Variants in LAMA4 observed in about 807,000 individuals in gnomAD.
The protein encoded by LAMA4 is laminin subunit alpha-4.
Under a neutral mutation model 207.1 loss-of-function variants are expected in LAMA4, and 127 were observed. The ratio of observed to expected loss-of-function variants is 0.61; its 90% CI spans 0.53 to 0.71. The LOEUF (loss-of-function observed/expected upper bound fraction) is 0.71. Among genes scored for constraint, LAMA4 ranks in the 30% least tolerant of loss-of-function variants. The pLI, the probability that LAMA4 is intolerant of heterozygous loss-of-function variation, is 0.00. For missense variants in LAMA4, 2,093 were observed against 2,246.5 expected (o/e 0.93, Z 1.38); for synonymous variants, 761 against 816.0 (o/e 0.93, Z 1.15).
At chr6:112,124,331 C>T (rs1189371557) in intron 31 of LAMA4, among the ~76,000 whole-genome samples, 1 of 152,190 alleles carries the variant, frequency 6.6e-6, no homozygotes, top group Non-Finnish European at 1.5e-5. Flanking sequence ...ATTTACCAGC[C>T]TTGCCTTACT....
intron 3 of LAMA4, among the ~76,000 whole-genome samples, chr6:112,208,762 C>A (rs1428127142): frequency 6.6e-6 from 1 of 152,146 alleles, no homozygotes; most frequent in African/African-American, 2.4e-5. Flanking sequence ...AACTAGCTAT[C>A]CCGGTTGAAT....
intron 36 of LAMA4, among the ~76,000 whole-genome samples, chr6:112,115,630 G>A (rs1184357229): frequency 6.6e-6 from 1 of 152,040 alleles, no homozygotes; most frequent in Admixed American, 6.6e-5. Flanking sequence ...TGTTATTAGT[G>A]ATTTTTTTGA....
chr6:112,230,042 T>C (rs1363381550), intron 2 of LAMA4, among the ~76,000 whole-genome samples: 2 of 152,212 alleles, frequency 1.3e-5, no homozygotes. Context: ...TACTTCTATT[T>C]CCCCAGGAAC....
chr6:112,240,291 G>A (rs1786315513), intron 2 of LAMA4, among the ~76,000 whole-genome samples: 2 of 151,916 alleles, frequency 1.3e-5, no homozygotes, highest in African/African-American at 2.4e-5. Flanking sequence ...AATAGTAGGT[G>A]TATATATTTA....
chr6:112,184,552 T>C (rs541032790), intron 9 of LAMA4, among the ~76,000 whole-genome samples: 1 of 152,296 alleles, frequency 6.6e-6, no homozygotes, highest in East Asian at 1.9e-4. Flanking sequence ...CTCTGTCTAG[T>C]TGTCTTTTTT....
intron 5 of LAMA4, 45 bp from the exon 6 acceptor site, chr6:112,191,895 T>C (rs1783142913): frequency 7.1e-7 from 1 of 1,401,064 alleles, no homozygotes. Flanking sequence ...ATCATGGTTT[T>C]TCTTCCTTTT....
At chr6:112,208,169 C>T (rs1345076121) in intron 3 of LAMA4, among the ~76,000 whole-genome samples, 4 of 145,690 alleles carry the variant, frequency 2.7e-5, no homozygotes, top group African/African-American at 1.1e-4. Context: ...AAAAATTATA[C>T]TGTTAGAATG....
At chr6:112,210,139 C>T (rs904476505) in intron 3 of LAMA4, among the ~76,000 whole-genome samples, 4 of 151,888 alleles carry the variant, frequency 2.6e-5, no homozygotes, top group Non-Finnish European at 5.9e-5. Context: ...GAAGCCTGTA[C>T]AGCCCACAGA....
intron 2 of LAMA4, among the ~76,000 whole-genome samples, chr6:112,225,166 A>G (rs1251344548): frequency 2.0e-5 from 3 of 152,020 alleles, no homozygotes; most frequent in African/African-American, 7.2e-5. Flanking sequence ...GTCTCTCTAC[A>G]TATCCCTGAT....
chr6:112,179,644 T>C (rs1554344832), intron 9 of LAMA4: 1 of 183,328 alleles, frequency 5.5e-6, no homozygotes, highest in Non-Finnish European at 1.1e-5. Context: ...CAGAGGATTA[T>C]GCCATGATTT....
intron 3 of LAMA4, among the ~76,000 whole-genome samples, chr6:112,216,058 G>A (rs782513938): frequency 2.6e-5 from 4 of 152,244 alleles, no homozygotes; most frequent in Non-Finnish European, 4.4e-5. Flanking sequence ...GAATTTGGAT[G>A]TATGGGTTCC....
In LAMA4 at chr6:112,131,035, G is replaced by C; in HGVS notation, c.3901C>G (p.Gln1301Glu). Reference sequence around the variant, plus strand: ...TCATTGTACTGCTTATCTACTGACTGAACTTTGATTCCCTTTACATCCATG... The same window carrying C: ...TCATTGTACTGCTTATCTACTGACTCAACTTTGATTCCCTTTACATCCATG... ...VIMDVKGIKV[Q>E]SVDKQYNDGL... is the part of the protein sequence containing the mutation. Residue 1301 changes from glutamine to glutamate, a missense_variant, in exon 29 of 39, where the codon CAG (glutamine) becomes GAG (glutamate). By Grantham distance (29) the Gln-to-Glu change is conservative (BLOSUM62 2). This residue lies in a region of LAMA4 where 1,704 missense variants were observed against 1,788.4 expected (regional missense o/e 0.95). Coordinates refer to ENST00000230538, the MANE Select transcript of LAMA4 (RefSeq NM_001105206.3). The C allele has an allele frequency of 6.2e-7, 1 of 1,612,812 alleles. No individual in the cohort carries two copies. The highest frequency in any genetic ancestry group is 8.5e-7 in the Non-Finnish European group (1 of 1,178,974).
intron 3 of LAMA4, among the ~76,000 whole-genome samples, chr6:112,215,998 G>A: frequency 6.6e-6 from 1 of 152,144 alleles, no homozygotes; most frequent in Admixed American, 6.5e-5. Context: ...TCATTCTCCT[G>A]GTTTATGTGG....
At chr6:112,181,170 T>C (rs1583816128) in intron 9 of LAMA4, among the ~76,000 whole-genome samples, 1 of 152,186 alleles carries the variant, frequency 6.6e-6, no homozygotes, top group Admixed American at 6.5e-5. Context: ...GCAAATTCTT[T>C]TCAAATGAAG....
chr6:112,111,535 A>C (rs1257638637), intron 38 of LAMA4, among the ~76,000 whole-genome samples: 1 of 152,170 alleles, frequency 6.6e-6, no homozygotes, highest in Non-Finnish European at 1.5e-5. Flanking sequence ...TAATTTCTTT[A>C]GCTATCCTCT....
chr6:112,184,785 C>T (rs1036184081), intron 9 of LAMA4, among the ~76,000 whole-genome samples: 2 of 151,964 alleles, frequency 1.3e-5, no homozygotes, highest in Admixed American at 1.3e-4. Flanking sequence ...GTGGTTTTTT[C>T]CCTGCCAAAG....
intron 31 of LAMA4, among the ~76,000 whole-genome samples, chr6:112,128,342 A>G (rs1554328301): frequency 6.6e-6 from 1 of 152,144 alleles, no homozygotes; most frequent in Non-Finnish European, 1.5e-5. Flanking sequence ...GCACAGAAAG[A>G]CAAATACTGC....
chr6:112,204,586 G>A (rs1359999693), intron 4 of LAMA4, among the ~76,000 whole-genome samples: 5 of 152,126 alleles, frequency 3.3e-5, no homozygotes, highest in Non-Finnish European at 7.3e-5. Context: ...GAGGAAGTTG[G>A]AGGTAATATA....
intron 7 of LAMA4, 28 bp from the exon 8 acceptor site, chr6:112,187,629 A>G: frequency 6.2e-7 from 1 of 1,610,826 alleles, no homozygotes; most frequent in East Asian, 2.2e-5. Flanking sequence ...CTTCAGAATC[A>G]CAAGTCAAAA....
Sources: allele counts gnomAD v4.1 joint callset (sites outside exome capture counted in the v4.1 genomes callset), GRCh38; gene constraint gnomAD v4.1.1; regional missense constraint gnomAD v4.1.1; transcripts MANE v1.5; gene names NCBI Gene and HGNC (gene_info 2026-07-23, HGNC 2026-07-21).